Variants in DYNC2I1 observed in about 807,000 individuals in gnomAD.
DYNC2I1 encodes cytoplasmic dynein 2 intermediate chain 1.
A neutral mutation model predicts 133.4 loss-of-function variants in DYNC2I1; 89 were observed. The observed-to-expected ratio is 0.67, with a 90% CI of 0.56 to 0.80. The LOEUF is 0.80. Among genes scored for constraint, DYNC2I1 ranks in the 30% least tolerant of loss-of-function variants. The pLI is 0.00. For missense variants in DYNC2I1, 1,291 were observed against 1,314.5 expected (o/e 0.98, Z 0.28); for synonymous variants, 504 against 484.3 (o/e 1.04, Z -0.54).
At chr7:158,895,652 G>T (rs946024238) in intron 8 of DYNC2I1, among the ~76,000 whole-genome samples, 2 of 152,088 alleles carry the variant, frequency 1.3e-5, no homozygotes, top group Non-Finnish European at 2.9e-5. Flanking sequence ...CTTTAGAGTC[G>T]GTTTGCCAAT....
rs2527202 is a variant in DYNC2I1, at chr7:158,946,158, T to G, written c.*379T>G. 6.3e-6 allele frequency: 1 copy of G among 159,474 alleles called. No homozygotes were observed. Among genetic ancestry groups the G allele is most frequent in the Non-Finnish European group, 1.4e-5 (1 of 73,226 alleles). 9.9% of individuals were successfully genotyped at this position (159,474 alleles called of 1,614,324 possible). ...CTTATGCATAAAGTATGTGAACACA[T>G]GTCTAAATTAAAAGGAATTACTCCA... On this transcript the variant is annotated 3_prime_UTR_variant, in exon 25 of 25. Coordinates refer to ENST00000407559, the MANE Select transcript of DYNC2I1 (RefSeq NM_018051.5).
chr7:158,891,516 C>T (rs185574566), intron 8 of DYNC2I1, among the ~76,000 whole-genome samples, 183 bp downstream of exon 8: 1 of 152,134 alleles, frequency 6.6e-6, no homozygotes, highest in African/African-American at 2.4e-5. Flanking sequence ...TGTTTGAAGT[C>T]CTCGGTCATG....
At chr7:158,866,437 C>T (rs1842412455) in intron 1 of DYNC2I1, among the ~76,000 whole-genome samples, 1 of 151,770 alleles carries the variant, frequency 6.6e-6, no homozygotes. Flanking sequence ...CCTGGGCGTC[C>T]CCTCTCTGTG....
At chr7:158,943,112 T>C (rs1027172910) in intron 24 of DYNC2I1, among the ~76,000 whole-genome samples, 1 of 152,204 alleles carries the variant, frequency 6.6e-6, no homozygotes, top group African/African-American at 2.4e-5. Flanking sequence ...AAGAGTTTAA[T>C]AGAATGTTGG....
rs200067012 is a variant in DYNC2I1 at position 158,886,979 on chromosome 7, C to T, written c.936-42C>T. ...AAATGTTTTATTTTTTAAAAGCTCT[C>T]ATTTAAAGTAAGTTTTGATTTTGAT... On this transcript the variant is annotated intron_variant, in intron 6 of 24. Coordinates refer to ENST00000407559, the MANE Select transcript of DYNC2I1 (RefSeq NM_018051.5). The T allele has an allele frequency of 2.9e-3, 4,542 of 1,569,824 alleles. 9 individuals carry two copies. The highest frequency in any genetic ancestry group is 3.6e-3 in the Non-Finnish European group (4,103 of 1,140,580).
chr7:158,870,772 G>T (rs138233946), intron 2 of DYNC2I1, among the ~76,000 whole-genome samples: 1 of 152,108 alleles, frequency 6.6e-6, no homozygotes, highest in African/African-American at 2.4e-5. Flanking sequence ...AGTCTGGGCC[G>T]TTAGTGCTCC....
At chr7:158,914,813 C>G (rs527969620) in intron 14 of DYNC2I1, among the ~76,000 whole-genome samples, 1 of 152,334 alleles carries the variant, frequency 6.6e-6, no homozygotes, top group South Asian at 2.1e-4. Flanking sequence ...CTCCACCACC[C>G]ACCCCATCAG....
intron 5 of DYNC2I1, 116 bp from the exon 6 acceptor site, chr7:158,884,448 T>C (rs1844395816): frequency 1.3e-6 from 1 of 785,650 alleles, no homozygotes; most frequent in South Asian, 2.0e-5. Context: ...GTACTTGTGA[T>C]GTACATGCTG....
At chr7:158,874,932 C>T (rs755823946) in intron 3 of DYNC2I1, among the ~76,000 whole-genome samples, 20 of 152,220 alleles carry the variant, frequency 1.3e-4, no homozygotes, top group South Asian at 1.0e-3. Context: ...TGCATCCTCG[C>T]GTCCTGAGGT....
intron 24 of DYNC2I1, among the ~76,000 whole-genome samples, chr7:158,944,532 C>T (rs765076331): frequency 8.5e-5 from 13 of 152,152 alleles, no homozygotes; most frequent in Non-Finnish European, 1.3e-4. Context: ...TTAAAGTATC[C>T]GCTGGTGAAA....
chr7:158,842,343 T>C, the DYNC2I1 span, among the ~76,000 whole-genome samples: 1 of 152,208 alleles, frequency 6.6e-6, no homozygotes, highest in Non-Finnish European at 1.5e-5. Context: ...GGCAGTTTTA[T>C]TCCTCACATT....
chr7:158,856,658 G>A lies in DYNC2I1; in HGVS notation c.-78G>A. On this transcript the variant is annotated 5_prime_UTR_variant, in exon 1 of 25. Coordinates refer to ENST00000407559, the MANE Select transcript of DYNC2I1 (RefSeq NM_018051.5). ...GGACGCGCCTCCCGAAGGGTGCGGG[G>A]CACAGGTGGCCTCTTCGGGGTGGAC... is the stretch of plus-strand genomic sequence containing the variant. 1 of 1,221,792 alleles carries A rather than the reference G, an allele frequency of 8.2e-7. No individual in the cohort carries two copies. The highest frequency in any genetic ancestry group is 1.0e-6 in the Non-Finnish European group (1 of 978,268). 75.7% of individuals were successfully genotyped at this position (1,221,792 alleles called of 1,614,324 possible).
At chr7:158,925,112 T>C (rs533073607) in intron 17 of DYNC2I1, among the ~76,000 whole-genome samples, 105 of 152,290 alleles carry the variant, frequency 6.9e-4, no homozygotes, top group Middle Eastern at 3.4e-3. Flanking sequence ...CTCCCAGTAG[T>C]GAGGAGCTGT....
chr7:158,881,097 C>A (rs1421005044), intron 5 of DYNC2I1, among the ~76,000 whole-genome samples: 3 of 152,236 alleles, frequency 2.0e-5, no homozygotes, highest in Non-Finnish European at 2.9e-5. Context: ...GAACTGGGAG[C>A]ACTTAGGCCG....
At chr7:158,866,561 A>G (rs1842425245) in intron 1 of DYNC2I1, among the ~76,000 whole-genome samples, 1 of 151,948 alleles carries the variant, frequency 6.6e-6, no homozygotes, top group Admixed American at 6.6e-5. Flanking sequence ...AGCAGGTCCT[A>G]TATTAAACCT....
intron 6 of DYNC2I1, among the ~76,000 whole-genome samples, chr7:158,885,818 C>G (rs1261989862): frequency 6.6e-6 from 1 of 152,076 alleles, no homozygotes; most frequent in Non-Finnish European, 1.5e-5. Context: ...TACTGCATGT[C>G]CACTAGAAGG....
intron 3 of DYNC2I1, among the ~76,000 whole-genome samples, chr7:158,873,768 C>A (rs143249409): frequency 6.5e-4 from 99 of 152,090 alleles, no homozygotes; most frequent in African/African-American, 2.2e-3. Context: ...ATTTATTATT[C>A]TTTTTGGAGA....
intron 1 of DYNC2I1, among the ~76,000 whole-genome samples, chr7:158,867,798 C>T (rs1052687850): frequency 1.3e-5 from 2 of 152,044 alleles, no homozygotes; most frequent in African/African-American, 2.4e-5. Context: ...TCCCAGGGTG[C>T]GCGGTGAGAG....
intron 1 of DYNC2I1, among the ~76,000 whole-genome samples, chr7:158,866,489 G>A (rs1563077639): frequency 6.6e-6 from 1 of 151,986 alleles, no homozygotes; most frequent in Admixed American, 6.6e-5. Context: ...CTGTCCCCGA[G>A]TATCCTGGGC....
Sources: gnomAD v4.1 joint callset for allele counts (sites outside exome capture counted in the v4.1 genomes callset) on GRCh38, gnomAD v4.1.1 for gene constraint, MANE v1.5 for transcripts, NCBI Gene and HGNC (gene_info 2026-07-23, HGNC 2026-07-21) for gene names.